TXNDC11: variants seen among roughly 807,000 people sequenced by gnomAD.
TXNDC11 encodes thioredoxin domain-containing protein 11.
Under a neutral mutation model 78.0 loss-of-function variants are expected in TXNDC11, and 68 were observed. The observed-to-expected ratio is 0.87, with a 90% confidence interval of 0.72 to 1.07. TXNDC11 has a LOEUF of 1.07. TXNDC11 is among the 50% of genes least tolerant of loss of function. TXNDC11 has a pLI of 0.00. For synonymous variants in TXNDC11, 571 were observed against 495.2 expected, an observed-to-expected ratio of 1.15 and a Z score of -2.03; for missense variants, 1,389 against 1,221.8, an observed-to-expected ratio of 1.14 and a Z score of -2.04.
intron 5 of TXNDC11, among the ~76,000 whole-genome samples, chr16:11,709,677 C>G (rs570587985): frequency 1.3e-5 from 2 of 151,806 alleles, no homozygotes; most frequent in South Asian, 4.2e-4. Flanking sequence ...CCTCGTGATC[C>G]GCCCGCCTCG....
chr16:11,732,984 T>TC (rs2052099017), intron 3 of TXNDC11, among the ~76,000 whole-genome samples: 4 of 152,146 alleles, frequency 2.6e-5, no homozygotes, highest in African/African-American at 9.7e-5. Context: ...CCAAAACTCT[T>TC]TGAGTCAGAT....
intron 2 of TXNDC11, 103 bp from the exon 3 acceptor site, chr16:11,734,182 GA>G: frequency 1.3e-6 from 1 of 786,866 alleles, no homozygotes; most frequent in Non-Finnish European, 2.1e-6. Context: ...CTCTCTCACT[GA>G]AACAGAAACT....
In TXNDC11 at chr16:11,714,299, C is replaced by T. The variant is rs1201722215; in HGVS notation, c.793+7278G>A. 5.3e-5 allele frequency among the ~76,000 whole-genome samples: 8 copies of T among 152,342 alleles called. No individual in the cohort carries two copies. In the East Asian group the frequency reaches 1.5e-3, roughly 29 times the overall value. ...TCAGTCTCGCAAAGTGCTAGGATTA[C>T]AGGCGTGAGCCACCGTGCCCCGCCA... On this transcript the variant is annotated intron_variant, in intron 5 of 11. Transcript: ENST00000283033.
chr16:11,691,003 C>T (rs2050699089), intron 8 of TXNDC11: 1 of 429,146 alleles, frequency 2.3e-6, no homozygotes. Flanking sequence ...CTGGTTCTAC[C>T]TTAGACATGT....
At chr16:11,730,821 C>G (rs1352391558) in intron 3 of TXNDC11, 47 bp from the exon 4 acceptor site, 3 of 1,404,742 alleles carry the variant, frequency 2.1e-6, no homozygotes, top group Non-Finnish European at 2.9e-6. Context: ...AAAAATAATA[C>G]ACCATGCATT....
intron 1 of TXNDC11, among the ~76,000 whole-genome samples, chr16:11,737,010 G>A (rs890032456): frequency 6.6e-6 from 1 of 151,930 alleles, no homozygotes; most frequent in Admixed American, 6.6e-5. Context: ...ACCCTGAGCT[G>A]TCCATGCATC....
chr16:11,736,124 G>A lies in TXNDC11; in HGVS notation c.364C>T (p.Arg122Ter), dbSNP rs373945031. 20 of 1,614,000 alleles carry A rather than the reference G, an allele frequency of 1.2e-5. No homozygotes were observed. In the African/African-American group the frequency reaches 1.7e-4, roughly 14 times the overall value. The change falls in exon 2 of 12, where the codon CGA (arginine) becomes TGA (stop). Residue 122 changes from arginine (R) to a stop codon, truncating the protein, a stop_gained. Transcript: ENST00000283033. LOFTEE classifies it high-confidence loss of function. ...AGCAGTACCACCTCTGAATCCCGTC[G>A]AACGTACTCTGCATAATCCAGCTGC... ...QGQLDYAEYV[R>*]RDSEVVLLFF... is the part of the protein sequence containing the mutation.
At chr16:11,736,398 A>G (rs996189892) in intron 1 of TXNDC11, among the ~76,000 whole-genome samples, 165 bp from the exon 2 acceptor site, 13 of 152,366 alleles carry the variant, frequency 8.5e-5, no homozygotes, top group African/African-American at 3.1e-4. Context: ...CAAATGCAAG[A>G]CATGAATAAT....
At chr16:11,706,280 TAAG>T (rs1811692414) in intron 5 of TXNDC11, among the ~76,000 whole-genome samples, 1 of 152,240 alleles carries the variant, frequency 6.6e-6, no homozygotes, top group African/African-American at 2.4e-5. Flanking sequence ...TGCAGGTGGC[TAAG>T]AAGGTCAAGG....
chr16:11,698,452 C>G, intron 6 of TXNDC11, 127 bp from the exon 7 acceptor site: 1 of 758,832 alleles, frequency 1.3e-6, no homozygotes. Flanking sequence ...GGGGCCTGGC[C>G]CCACTGTGCA....
chr16:11,691,552 T>C lies in TXNDC11; in HGVS notation c.1638A>G (p.Pro546=). 1.9e-6 allele frequency: 3 copies of C among 1,614,222 alleles called. No individual in the cohort carries two copies. The highest frequency in any genetic ancestry group is 2.5e-6 in the Non-Finnish European group (3 of 1,180,036). The change falls in exon 8 of 12, where the codon CCA becomes CCG. Residue 546 remains proline, a synonymous_variant. Transcript: ENST00000283033. ...SLEKKCEVDA[P]SSVPHIEENR... is the part of the protein sequence containing the mutation. Reference sequence around the variant, plus strand: ...TCTCCTCAATGTGAGGAACGGAGCTTGGGGCATCAACCTCACATTTCTTCT... The same window carrying C: ...TCTCCTCAATGTGAGGAACGGAGCTCGGGGCATCAACCTCACATTTCTTCT...
chr16:11,738,247 C>T (rs947207883), intron 1 of TXNDC11, among the ~76,000 whole-genome samples: 61 of 152,320 alleles, frequency 4.0e-4, no homozygotes, highest in African/African-American at 1.3e-3. Flanking sequence ...AAGTATCCAA[C>T]GGAGCAAGTC....
intron 1 of TXNDC11, among the ~76,000 whole-genome samples, chr16:11,740,181 C>T (rs571957679): frequency 1.3e-5 from 2 of 151,984 alleles, no homozygotes; most frequent in South Asian, 4.2e-4. Flanking sequence ...CTCCCTTAAG[C>T]CTATCTCCTT....
Position 11,705,817 on chromosome 16 carries a change from G to A in TXNDC11, c.794-5253C>T, listed in dbSNP as rs191664741. ...CAGCAGCTTAAATTTGCAGTCTCAC[G>A]TGAACAAAGAATACTTAGATTAGCA... On this transcript the variant is annotated intron_variant, in intron 5 of 11. Coordinates refer to ENST00000283033, the MANE Select transcript of TXNDC11 (RefSeq NM_015914.7). Among the ~76,000 whole-genome samples the A allele has an allele frequency of 6.1e-3, 929 of 152,294 alleles. 7 individuals are homozygous for A. Among genetic ancestry groups the A allele is most frequent in the South Asian group, 0.013 (64 of 4,828 alleles).
At chr16:11,731,484 T>G (rs1395306959) in intron 3 of TXNDC11, among the ~76,000 whole-genome samples, 1 of 152,154 alleles carries the variant, frequency 6.6e-6, no homozygotes, top group African/African-American at 2.4e-5. Context: ...CTCTTCAGTC[T>G]CACACAATAC....
intron 7 of TXNDC11, among the ~76,000 whole-genome samples, chr16:11,692,547 G>C (rs1050392490): frequency 7.9e-5 from 12 of 152,116 alleles, no homozygotes; most frequent in African/African-American, 2.9e-4. Flanking sequence ...AAGAGGTAAG[G>C]ATGTTAAGAT....
chr16:11,694,655 C>T (rs1218905649), intron 7 of TXNDC11, among the ~76,000 whole-genome samples: 4 of 152,176 alleles, frequency 2.6e-5, no homozygotes, highest in African/African-American at 9.7e-5. Context: ...ACTATGTTGG[C>T]CAGGCTGGTC....
chr16:11,727,579 T>G (rs2051919593), intron 4 of TXNDC11, among the ~76,000 whole-genome samples: 1 of 152,060 alleles, frequency 6.6e-6, no homozygotes. Flanking sequence ...TTGGAAAAAG[T>G]GAGTAGTTTG....
At chr16:11,681,611 A>G (rs1054603101) in intron 11 of TXNDC11, among the ~76,000 whole-genome samples, 3 of 151,952 alleles carry the variant, frequency 2.0e-5, no homozygotes, top group African/African-American at 7.3e-5. Context: ...ACCTCTAAAA[A>G]ACTGTGATTC....
Sources: allele counts gnomAD v4.1 joint callset (sites outside exome capture counted in the v4.1 genomes callset), GRCh38; gene constraint gnomAD v4.1.1; transcripts MANE v1.5; gene names NCBI Gene and HGNC (gene_info 2026-07-23, HGNC 2026-07-21).